RAB14: variants seen among roughly 807,000 people sequenced by gnomAD.
RAB14 encodes the protein ras-related protein Rab-14.
RAB14 carries 3 observed loss-of-function variants against 31.1 expected under a neutral mutation model. The ratio of observed to expected loss-of-function variants is 0.10; its 90% CI spans 0.04 to 0.25. The LOEUF is 0.25. Ranked by LOEUF, RAB14 falls within the 10% of genes least tolerant of loss-of-function variation. RAB14 has a pLI of 1.00. For missense variants in RAB14, 111 were observed against 260.1 expected (o/e 0.43, Z 3.94); for synonymous variants, 85 against 84.9 (o/e 1.00, Z 0.00).
At chr9:121,192,297 A>G (rs749284040) in intron 2 of RAB14, 73 bp from the exon 3 acceptor site, 2 of 1,065,476 alleles carry the variant, frequency 1.9e-6, no homozygotes, top group Non-Finnish European at 2.7e-6. Flanking sequence ...TATATTCCTT[A>G]CCATATAACA....
intron 7 of RAB14, among the ~76,000 whole-genome samples, chr9:121,181,800 TGC>T (rs1289281712): frequency 7.2e-4 from 97 of 134,582 alleles, no homozygotes; most frequent in South Asian, 2.1e-3. Flanking sequence ...CAGGCTGGAG[TGC>T]AGTGGCCCGA....
intron 6 of RAB14, 126 bp from the exon 7 acceptor site, chr9:121,183,086 G>C (rs1481124766): frequency 1.2e-5 from 11 of 951,832 alleles, no homozygotes; most frequent in Non-Finnish European, 1.6e-5. Context: ...TTATGAAAAA[G>C]TATGTAAGTT....
intron 1 of RAB14, among the ~76,000 whole-genome samples, chr9:121,201,157 C>A (rs1261500274): frequency 6.6e-6 from 1 of 152,294 alleles, no homozygotes; most frequent in Admixed American, 6.5e-5. Flanking sequence ...GAAGAGCTGC[C>A]TTTGTACTCA....
intron 4 of RAB14, among the ~76,000 whole-genome samples, chr9:121,188,075 A>T (rs1026504980): frequency 1.3e-5 from 2 of 151,954 alleles, no homozygotes; most frequent in African/African-American, 4.8e-5. Context: ...CTCCTTAGTC[A>T]GACTTTTATT....
chr9:121,185,686 C>G (rs1055007852), intron 5 of RAB14, among the ~76,000 whole-genome samples: 1 of 152,104 alleles, frequency 6.6e-6, no homozygotes, highest in Non-Finnish European at 1.5e-5. Context: ...GGCTTTTTTA[C>G]TGGGTATGAT....
intron 4 of RAB14, among the ~76,000 whole-genome samples, chr9:121,188,599 G>A (rs74731319): frequency 1.3e-5 from 2 of 151,014 alleles, no homozygotes; most frequent in East Asian, 1.9e-4. Flanking sequence ...CAACTGTCAC[G>A]ACAAGCTACG....
In RAB14 at chr9:121,182,986, TA is replaced by T. The variant is rs757617716; in HGVS notation, c.440-27del. The stretch of plus-strand genomic sequence containing the variant: ...CTAAAAATAAAATTCAGACTATAAT[TA>T]GGACACTTCAAACTAACTCACAAGT... On this transcript the variant is annotated intron_variant, in intron 6 of 7. Coordinates refer to ENST00000373840, the MANE Select transcript of RAB14 (RefSeq NM_016322.4). The T allele has an allele frequency of 8.5e-4, 1,361 of 1,598,362 alleles. 1 individual carries two copies. The highest frequency in any genetic ancestry group is 1.1e-3 in the Non-Finnish European group (1,252 of 1,169,256).
rs1173552818 is a variant in RAB14, at chr9:121,180,211, A to G, written c.*1185T>C. The stretch of plus-strand genomic sequence containing the variant: ...TTCACTGTAGGGTTAAAAATGCACA[A>G]TTTAAAATCCCTTAACAGCAGACCT... On this transcript the variant is annotated 3_prime_UTR_variant, in exon 8 of 8. Transcript: ENST00000373840. The G allele has an allele frequency of 6.6e-6, 1 of 152,666 alleles. No individual in the cohort carries two copies. Among genetic ancestry groups the G allele is most frequent in the Non-Finnish European group, 1.5e-5 (1 of 68,040 alleles). The allele number at this position is 152,666 out of a possible 1,614,324, so 9.5% of individuals were successfully genotyped here. A position where few individuals can be genotyped will look rare whatever the true frequency, so the allele number is the denominator to read the frequency against.
Position 121,180,759 on chromosome 9 carries a change from TA to T in RAB14, c.*636del, listed in dbSNP as rs1289358525. 6.6e-6 allele frequency: 1 copy of T among 152,584 alleles called. No homozygotes were observed. The highest frequency in any genetic ancestry group is 1.5e-5 in the Non-Finnish European group (1 of 68,024). The allele number at this position is 152,584 out of a possible 1,614,324, so 9.5% of individuals were successfully genotyped here. A position where few individuals can be genotyped will look rare whatever the true frequency, so the allele number is the denominator to read the frequency against. ...AATTTTATACATATTTACTTTCTGT[TA>T]AAGAGAAAAGGATAAAATGGTATAA... On this transcript the variant is annotated 3_prime_UTR_variant, in exon 8 of 8. Coordinates refer to ENST00000373840, the MANE Select transcript of RAB14 (RefSeq NM_016322.4).
chr9:121,179,741 T>C lies in RAB14; in HGVS notation c.*1655A>G, dbSNP rs745852672. 3 of 152,686 alleles carry C rather than the reference T, an allele frequency of 2.0e-5. No individual in the cohort carries two copies. The highest frequency in any genetic ancestry group is 4.4e-5 in the Non-Finnish European group (3 of 68,048). 9.5% of individuals were successfully genotyped at this position (152,686 alleles called of 1,614,324 possible). On this transcript the variant is annotated 3_prime_UTR_variant, in exon 8 of 8. Transcript: ENST00000373840. ...TTCCAGTTTTGGCTTTTATTTAACA[T>C]TGACTATACAATACTCTGGTACTAC...
At chr9:121,183,444 T>C (rs751826977) in intron 5 of RAB14, 46 bp from the exon 6 acceptor site, 1 of 1,429,968 alleles carries the variant, frequency 7.0e-7, no homozygotes, top group Non-Finnish European at 9.7e-7. Flanking sequence ...AAAGCAGTAA[T>C]TTAAACCAAC....
Position 121,180,682 on chromosome 9 carries a change from TTTC to T in RAB14, c.*711_*713del, listed in dbSNP as rs2053627934. On this transcript the variant is annotated 3_prime_UTR_variant, in exon 8 of 8. Transcript: ENST00000373840. The stretch of plus-strand genomic sequence containing the variant: ...GTTCCAATGCCAGTAATCAATTTAT[TTTC>T]TTCATTAAAATAATATACACAGAAT... 1 of 152,672 alleles carries T rather than the reference TTTC, an allele frequency of 6.5e-6. No individual in the cohort carries two copies. The highest frequency in any genetic ancestry group is 1.5e-5 in the Non-Finnish European group (1 of 68,040). The allele number at this position is 152,672 out of a possible 1,614,324, so 9.5% of individuals were successfully genotyped here. A position where few individuals can be genotyped will look rare whatever the true frequency, so the allele number is the denominator to read the frequency against.
intron 1 of RAB14, among the ~76,000 whole-genome samples, chr9:121,194,611 C>G (rs1438840106): frequency 6.6e-6 from 1 of 151,880 alleles, no homozygotes; most frequent in Non-Finnish European, 1.5e-5. Context: ...AAAGATTTCA[C>G]CCATTTAAAA....
chr9:121,200,425 T>C (rs1240691507), intron 1 of RAB14, among the ~76,000 whole-genome samples: 1 of 152,180 alleles, frequency 6.6e-6, no homozygotes, highest in African/African-American at 2.4e-5. Context: ...TTGCAAGAGT[T>C]CAAATCTGGG....
intron 7 of RAB14, among the ~76,000 whole-genome samples, chr9:121,182,545 CT>C (rs1407459335): frequency 6.6e-6 from 1 of 152,206 alleles, no homozygotes; most frequent in Non-Finnish European, 1.5e-5. Context: ...TTAAATCATG[CT>C]TTTTAATGTG....
rs139563672 is a variant in RAB14 at position 121,191,532 on chromosome 9, C to T, written c.106+639G>A. 9.4e-3 allele frequency among the ~76,000 whole-genome samples: 1,430 copies of T among 152,202 alleles called. 27 individuals are homozygous for T. The highest frequency in any genetic ancestry group is 0.033 in the African/African-American group (1,355 of 41,516). On this transcript the variant is annotated intron_variant, in intron 3 of 7. Transcript: ENST00000373840. ...ACATATACTACTTATTATACAATGA[C>T]AAGTTATATATGTCTAAGCCAATTA...
chr9:121,199,555 A>G (rs1389581685), intron 1 of RAB14, among the ~76,000 whole-genome samples: 1 of 152,214 alleles, frequency 6.6e-6, no homozygotes, highest in Non-Finnish European at 1.5e-5. Context: ...GACTATGCAA[A>G]GATATTTGAT....
intron 4 of RAB14, among the ~76,000 whole-genome samples, chr9:121,189,949 T>C (rs1336023978): frequency 6.6e-6 from 1 of 152,162 alleles, no homozygotes; most frequent in Non-Finnish European, 1.5e-5. Flanking sequence ...CAAACCTTTA[T>C]GTACAGTAGT....
intron 1 of RAB14, among the ~76,000 whole-genome samples, chr9:121,193,958 G>A (rs1380878608): frequency 2.0e-5 from 3 of 152,106 alleles, no homozygotes; most frequent in Non-Finnish European, 2.9e-5. Context: ...AGCGCAAAGA[G>A]CAATCGTATG....
Sources: gnomAD v4.1 joint callset for allele counts (sites outside exome capture counted in the v4.1 genomes callset) on GRCh38, gnomAD v4.1.1 for gene constraint, MANE v1.5 for transcripts, NCBI Gene and HGNC (gene_info 2026-07-23, HGNC 2026-07-21) for gene names.